The following ATG9B variants were observed in gnomAD, a reference collection of about 807,000 sequenced individuals.
ATG9B encodes autophagy related 9B, also known as autophagy-related protein 9B.
Under a neutral mutation model 92.9 loss-of-function variants are expected in ATG9B, and 92 were observed. The ratio of observed to expected loss-of-function variants is 0.99; its 90% CI spans 0.84 to 1.18. The LOEUF (loss-of-function observed/expected upper bound fraction) is 1.18, where lower values mean the gene tolerates loss of function less well. ATG9B is among the 50% of genes most tolerant of loss of function. The probability of loss-of-function intolerance (pLI) is 0.00; values close to 1 mark genes in which losing one functional copy is unlikely to be tolerated. For synonymous variants in ATG9B, 599 were observed against 551.4 expected, an observed-to-expected ratio of 1.09 and a Z score of -1.21; for missense variants, 1,344 against 1,235.0, an observed-to-expected ratio of 1.09 and a Z score of -1.32.
chr7:151,012,229 T>G, downstream of ATG9B: 1 of 900,952 alleles, frequency 1.1e-6, no homozygotes, highest in South Asian at 2.2e-5. Context: ...TTTTTTGTTT[T>G]TTTTTTAATT....
At chr7:151,013,046 A>G, downstream of ATG9B, 2 of 633,656 alleles carry the variant, frequency 3.2e-6, no homozygotes, top group Non-Finnish European at 5.2e-6. Flanking sequence ...TTCCCTCTGT[A>G]AATCAGGGCT....
intron 9 of ATG9B, 72 bp from the exon 10 acceptor site, chr7:151,016,893 C>A: frequency 6.5e-7 from 1 of 1,547,518 alleles, no homozygotes; most frequent in South Asian, 1.2e-5. Flanking sequence ...AGGGAGGAAG[C>A]AGAGGCCTAA....
chr7:151,022,259 C>T (rs958043705), intron 4 of ATG9B, among the ~76,000 whole-genome samples: 5 of 147,926 alleles, frequency 3.4e-5, no homozygotes. Flanking sequence ...AGCCTCCTGA[C>T]TAGGCTTAGC....
chr7:151,016,719 CAAG>C lies in ATG9B; in HGVS notation c.2389_2391del (p.Leu797del). ...TCCTGGGCAATTCGGGAAATGGAGGCAAGGAGGCTGGCTGTGGCCGCAGCTGGA... is the reference window on the plus strand; with the variant it reads ...TCCTGGGCAATTCGGGAAATGGAGGCGAGGCTGGCTGTGGCCGCAGCTGGA... On this transcript the variant is annotated inframe_deletion, in exon 10 of 14. Coordinates refer to ENST00000639579, the MANE Select transcript of ATG9B (RefSeq NM_001317056.2). 1 of 1,608,852 alleles carries C rather than the reference CAAG, an allele frequency of 6.2e-7. No homozygotes were observed. The highest frequency in any genetic ancestry group is 8.5e-7 in the Non-Finnish European group (1 of 1,177,382).
In ATG9B at chr7:151,016,008, G is replaced by A; in HGVS notation, c.2663C>T (p.Ser888Phe). ...SWSSDGSSPA[S>F]SPRQQWGTQK... The stretch of plus-strand genomic sequence containing the variant: ...GGTTCCCCACTGTTGTCTGGGGCTA[G>A]AGGCAGGACTGGAGCCTGGTGAAAA... Residue 888 changes from serine (S) to phenylalanine (F), a missense_variant, in exon 13 of 14, where the codon TCT (serine) becomes TTT (phenylalanine). Ser to Phe is a radical substitution (Grantham distance 155). Transcript: ENST00000639579. 6.4e-7 allele frequency: 1 copy of A among 1,551,632 alleles called. No homozygotes were observed. The highest frequency in any genetic ancestry group is 1.2e-5 in the South Asian group (1 of 84,050).
downstream of ATG9B, chr7:151,014,112 G>A (rs1369559420): frequency 6.2e-7 from 1 of 1,613,450 alleles, no homozygotes; most frequent in African/African-American, 1.3e-5. Context: ...AGCGTCAGTT[G>A]CGGGGCGCAG....
Position 151,024,250 on chromosome 7 carries a change from A to T in ATG9B, c.174T>A (p.His58Gln), listed in dbSNP as rs1242928178. ...AAAATGAGGAGGGGGAGCTTCTTGT[A>T]TGAGGGGCAGGGGACAGAGAGAAGA... ...ISIFSLSPAP[H>Q]TRSSPSSFSP... The change falls in exon 1 of 14, where the codon CAT becomes CAA. Residue 58 changes from histidine (H) to glutamine (Q), a missense_variant. Coordinates refer to ENST00000639579, the MANE Select transcript of ATG9B (RefSeq NM_001317056.2). 5 of 1,474,936 alleles carry T rather than the reference A, an allele frequency of 3.4e-6. No individual in the cohort carries two copies. Among genetic ancestry groups the T allele is most frequent in the Admixed American group, 5.0e-5 (2 of 39,732 alleles). 91.4% of individuals were successfully genotyped at this position (1,474,936 alleles called of 1,614,324 possible).
At chr7:151,023,390 G>A in intron 3 of ATG9B, 55 bp downstream of exon 3, 1 of 1,606,182 alleles carries the variant, frequency 6.2e-7, no homozygotes, top group Non-Finnish European at 8.5e-7. Context: ...CAAAATGACA[G>A]AAGGAAGCCA....
chr7:151,013,169 G>T, downstream of ATG9B: 1 of 1,549,132 alleles, frequency 6.5e-7, no homozygotes, highest in South Asian at 1.2e-5. Flanking sequence ...GTGGCCTGTG[G>T]GGAGGCCCCA....
intron 5 of ATG9B, among the ~76,000 whole-genome samples, chr7:151,019,590 C>T (rs1336004087): frequency 2.6e-5 from 4 of 152,226 alleles, no homozygotes; most frequent in African/African-American, 9.6e-5. Context: ...CTTCCTTCAT[C>T]CTCTTCTAAA....
At position 151,023,959 on chromosome 7, in the gene ATG9B, C is replaced by G. The variant is rs769158761; in HGVS notation, c.465G>C (p.Glu155Asp). ...LIPEQDYERLEDCDPEGSQDS... is the reference protein window; with the variant it reads ...LIPEQDYERLDDCDPEGSQDS... ...CTTGGGACCCCTCAGGGTCACAGTC[C>G]TCCAGCCGCTCATAATCCTGTTCAG... Residue 155 changes from glutamate to aspartate, a missense_variant, in exon 1 of 14, where the codon GAG (glutamate) becomes GAC (aspartate). Coordinates refer to ENST00000639579, the MANE Select transcript of ATG9B (RefSeq NM_001317056.2). 1 of 1,588,804 alleles carries G rather than the reference C, an allele frequency of 6.3e-7. No individual in the cohort carries two copies. The highest frequency in any genetic ancestry group is 1.8e-5 in the Admixed American group (1 of 55,896).
chr7:151,019,832 G>C (rs766854748), intron 5 of ATG9B: 14 of 157,430 alleles, frequency 8.9e-5, no homozygotes, highest in Non-Finnish European at 1.4e-4. Context: ...GACCAGCCTG[G>C]GCAACATGGT....
In ATG9B at chr7:151,018,882, G is replaced by A. The variant is rs2117163274; in HGVS notation, c.1456C>T (p.Arg486Cys). The change falls in exon 6 of 14, where the codon CGC becomes TGC. Residue 486 changes from arginine to cysteine, a missense_variant. Coordinates refer to ENST00000639579, the MANE Select transcript of ATG9B (RefSeq NM_001317056.2). This position sits in a 1 kb window ranked among gnomAD's most constrained non-coding sequence, Gnocchi z 4.7. ...TCGTTGAAGTGGCGCAGCTGCAAGC[G>A]CGCCAGGCGGGACCAGCCGCGCGCC... ...LGARGWSRLA[R>C]LQLRHFNELP... The A allele has an allele frequency of 2.2e-6, 3 of 1,384,386 alleles. No homozygotes were observed. Among genetic ancestry groups the A allele is most frequent in the Non-Finnish European group, 1.9e-6 (2 of 1,075,994 alleles). The allele number at this position is 1,384,386 out of a possible 1,614,324, so 85.8% of individuals were successfully genotyped here. A position where few individuals can be genotyped will look rare whatever the true frequency, so the allele number is the denominator to read the frequency against.
At chr7:151,023,756 C>T (rs577237815) in intron 1 of ATG9B, 26 bp from the exon 2 acceptor site, 3 of 1,613,826 alleles carry the variant, frequency 1.9e-6, no homozygotes, top group Non-Finnish European at 1.7e-6. Context: ...AGAGTGTCAG[C>T]CCCTGGCATG....
At chr7:151,022,208 G>A (rs1325040107) in intron 4 of ATG9B, among the ~76,000 whole-genome samples, 1 of 148,462 alleles carries the variant, frequency 6.7e-6, no homozygotes, top group Non-Finnish European at 1.5e-5. Context: ...GAGGGAGGAG[G>A]GTGTAGGGAT....
chr7:151,012,351 G>T, downstream of ATG9B: 1 of 1,558,426 alleles, frequency 6.4e-7, no homozygotes. Context: ...CTCCTGCCAG[G>T]GCTCCCTCCT....
chr7:151,013,627 C>G, downstream of ATG9B: 1 of 1,240,314 alleles, frequency 8.1e-7, no homozygotes, highest in Non-Finnish European at 1.1e-6. Context: ...ACCAGGCCCG[C>G]TCCGGAGACT....
At chr7:151,014,351 C>G (rs1795393456), downstream of ATG9B, 1 of 678,508 alleles carries the variant, frequency 1.5e-6, no homozygotes, top group African/African-American at 1.8e-5. Flanking sequence ...CCTCTCTAGG[C>G]CTGTTGCCTC....
chr7:151,014,108 A>G (rs760123467), downstream of ATG9B: 7 of 1,613,532 alleles, frequency 4.3e-6, no homozygotes, highest in Admixed American at 8.3e-5. Context: ...CAGGAGCGTC[A>G]GTTGCGGGGC....
Sources: gnomAD v4.1 joint callset for allele counts (sites outside exome capture counted in the v4.1 genomes callset) on GRCh38, gnomAD v4.1.1 for gene constraint, Gnocchi (gnomAD v3.1) non-coding constraint, MANE v1.5 for transcripts, NCBI Gene and HGNC (gene_info 2026-07-23, HGNC 2026-07-21) for gene names.